The following CPA6 variants were observed in gnomAD, a reference collection of about 807,000 sequenced individuals.
CPA6 encodes the protein carboxypeptidase B.
Under a neutral mutation model 63.3 loss-of-function variants are expected in CPA6, and 58 were observed. The ratio of observed to expected loss-of-function variants is 0.92; its 90% confidence interval spans 0.74 to 1.14. The LOEUF (loss-of-function observed/expected upper bound fraction) is 1.14. Ranked by LOEUF, CPA6 falls within the 50% of genes most tolerant of loss-of-function variation. CPA6 has a pLI of 0.00. For synonymous variants in CPA6, 185 were observed against 179.0 expected, an observed-to-expected ratio of 1.03 and a Z score of -0.27; for missense variants, 565 against 526.6, an observed-to-expected ratio of 1.07 and a Z score of -0.71.
chr8:67,554,052 G>A (rs192155739), intron 2 of CPA6, among the ~76,000 whole-genome samples: 17 of 152,190 alleles, frequency 1.1e-4, no homozygotes, highest in East Asian at 5.8e-4. Flanking sequence ...TTTTAGTAAA[G>A]GTTCTCCAGA....
At chr8:67,585,818 G>A (rs1237261426) in intron 2 of CPA6, among the ~76,000 whole-genome samples, 1 of 152,110 alleles carries the variant, frequency 6.6e-6, no homozygotes, top group Non-Finnish European at 1.5e-5. Context: ...AGGAGAGTGA[G>A]GCCATAGTCA....
At chr8:67,564,778 T>C (rs891193513) in intron 2 of CPA6, among the ~76,000 whole-genome samples, 8 of 152,250 alleles carry the variant, frequency 5.3e-5, no homozygotes, top group Non-Finnish European at 7.3e-5. Flanking sequence ...ATATTGCTGA[T>C]AGATTTCTGT....
At chr8:67,726,211 T>C (rs1285854794) in intron 1 of CPA6, among the ~76,000 whole-genome samples, 1 of 152,152 alleles carries the variant, frequency 6.6e-6, no homozygotes, top group Non-Finnish European at 1.5e-5. Context: ...GATAATGAAG[T>C]ATATATAGAT....
chr8:67,488,916 C>T (rs2128962006), intron 6 of CPA6, among the ~76,000 whole-genome samples: 1 of 152,200 alleles, frequency 6.6e-6, no homozygotes, highest in African/African-American at 2.4e-5. Context: ...CCTGAGACTT[C>T]ACAGAAATTG....
chr8:67,610,705 C>A (rs949845086), intron 2 of CPA6, among the ~76,000 whole-genome samples: 3 of 152,158 alleles, frequency 2.0e-5, no homozygotes, highest in African/African-American at 7.2e-5. Context: ...CCTTCCTCAG[C>A]ACATGTACAT....
In CPA6 at chr8:67,483,812, C is replaced by T. The variant is rs1246431137; in HGVS notation, c.794G>A (p.Cys265Tyr). ...KTRSRNSRFRCRGVDANRNWK... is the reference protein window; with the variant it reads ...KTRSRNSRFRYRGVDANRNWK... ...GTTTCTATTGGCATCCACTCCACGG[C>T]AGCGAAACCTTGAGTTCCTTGACCT... Residue 265 changes from cysteine (C) to tyrosine (Y), a missense_variant, in exon 8 of 11, where the codon TGC becomes TAC. Coordinates refer to ENST00000297770, the MANE Select transcript of CPA6 (RefSeq NM_020361.5). 6.2e-7 allele frequency: 1 copy of T among 1,614,200 alleles called. No individual in the cohort carries two copies. Among genetic ancestry groups the T allele is most frequent in the East Asian group, 2.2e-5 (1 of 44,872 alleles).
chr8:67,509,522 A>G lies in CPA6; in HGVS notation c.529T>C (p.Leu177=), dbSNP rs774952258. 1.3e-6 allele frequency: 2 copies of G among 1,496,142 alleles called. No homozygotes were observed. The highest frequency in any genetic ancestry group is 3.6e-5 in the Admixed American group (2 of 55,766). The allele number at this position is 1,496,142 out of a possible 1,614,324, so 92.7% of individuals were successfully genotyped here. A position where few individuals can be genotyped will look rare whatever the true frequency, so the allele number is the denominator to read the frequency against. ...CAGCAATTGCTTATTTTTACCTTTA[A>G]AATAAAAAGAGATCTTCCCTCATAT... ...RSYEGRSLFI[L]KLGRRSRLKR... Residue 177 remains leucine, a synonymous_variant, in exon 5 of 11, where the codon TTA becomes CTA. Coordinates refer to ENST00000297770, the MANE Select transcript of CPA6 (RefSeq NM_020361.5).
At chr8:67,546,612 A>C (rs1045045110) in intron 2 of CPA6, among the ~76,000 whole-genome samples, 8 of 152,160 alleles carry the variant, frequency 5.3e-5, no homozygotes, top group Non-Finnish European at 1.0e-4. Context: ...AGAGCTTGTT[A>C]AACCACTGAT....
chr8:67,443,357 G>A (rs1238758732), intron 8 of CPA6, among the ~76,000 whole-genome samples: 1 of 152,108 alleles, frequency 6.6e-6, no homozygotes, highest in African/African-American at 2.4e-5. Flanking sequence ...ACTGCTCCCG[G>A]GCCCTGTCCT....
At chr8:67,457,956 G>A (rs1211081022) in intron 8 of CPA6, among the ~76,000 whole-genome samples, 2 of 152,114 alleles carry the variant, frequency 1.3e-5, no homozygotes. Context: ...TTTCCATGCT[G>A]GGACGGGTCA....
intron 1 of CPA6, among the ~76,000 whole-genome samples, chr8:67,674,185 G>T (rs1378818450): frequency 6.6e-6 from 1 of 152,194 alleles, no homozygotes; most frequent in Non-Finnish European, 1.5e-5. Context: ...GAGTGGCAGA[G>T]CCAGGATTTG....
chr8:67,688,958 T>C (rs1816760637), intron 1 of CPA6, among the ~76,000 whole-genome samples: 1 of 151,826 alleles, frequency 6.6e-6, no homozygotes, highest in South Asian at 2.1e-4. Flanking sequence ...CCATTTGTTG[T>C]TGTAATCCTA....
chr8:67,475,843 CTT>C (rs1379096786), intron 8 of CPA6, among the ~76,000 whole-genome samples: 19 of 67,152 alleles, frequency 2.8e-4, no homozygotes, highest in Middle Eastern at 7.2e-3. Context: ...TTCTTTCTTT[CTT>C]TCTTTCTTTC....
chr8:67,520,042 G>T (rs966594), intron 2 of CPA6, among the ~76,000 whole-genome samples: 13,924 of 151,626 alleles, frequency 0.092, 1,628 homozygotes, highest in African/African-American at 0.27. Context: ...TTAGATTTTC[G>T]AATCCTTTAG....
At chr8:67,734,069 T>G (rs2553672) in intron 1 of CPA6, among the ~76,000 whole-genome samples, 105,531 of 150,194 alleles carry the variant, frequency 0.7, 37,932 homozygotes, top group Non-Finnish European at 0.77. Flanking sequence ...TAAATTCAGG[T>G]TTTTCTCATG....
At chr8:67,542,473 T>A (rs377674283) in intron 2 of CPA6, among the ~76,000 whole-genome samples, 1 of 152,204 alleles carries the variant, frequency 6.6e-6, no homozygotes, top group Non-Finnish European at 1.5e-5. Context: ...CAGGTACTCA[T>A]GCAGGGATTG....
chr8:67,453,439 A>T (rs1452719366), intron 8 of CPA6, among the ~76,000 whole-genome samples: 1 of 152,178 alleles, frequency 6.6e-6, no homozygotes, highest in Non-Finnish European at 1.5e-5. Flanking sequence ...TCAGGAGTTC[A>T]TTTCTGGATA....
chr8:67,545,515 G>A (rs1237435790), intron 2 of CPA6, among the ~76,000 whole-genome samples: 1 of 150,250 alleles, frequency 6.7e-6, no homozygotes, highest in Non-Finnish European at 1.5e-5. Flanking sequence ...TCATGTCCCT[G>A]GCTTTAGTCT....
At chr8:67,555,743 A>T (rs374974799) in intron 2 of CPA6, among the ~76,000 whole-genome samples, 1 of 152,166 alleles carries the variant, frequency 6.6e-6, no homozygotes, top group East Asian at 1.9e-4. Context: ...GGTCTCTGCT[A>T]ACTCTGGGTG....
Sources: allele counts gnomAD v4.1 joint callset (sites outside exome capture counted in the v4.1 genomes callset), GRCh38; gene constraint gnomAD v4.1.1; transcripts MANE v1.5; gene names NCBI Gene and HGNC (gene_info 2026-07-23, HGNC 2026-07-21).